RORB: variants seen among roughly 807,000 people sequenced by gnomAD.
RORB encodes nuclear receptor ROR-beta.
Under a neutral mutation model 59.1 loss-of-function variants are expected in RORB, and 6 were observed. That is an observed-to-expected ratio of 0.10 (90% CI 0.06 to 0.20). The LOEUF (loss-of-function observed/expected upper bound fraction) is 0.20, where lower values mean the gene tolerates loss of function less well. Among genes scored for constraint, RORB ranks in the 10% least tolerant of loss-of-function variants. The pLI is 1.00. For synonymous variants in RORB, 215 were observed against 204.5 expected (o/e 1.05, Z -0.44); for missense variants, 320 against 560.5 (o/e 0.57, Z 4.33).
intron 1 of RORB, among the ~76,000 whole-genome samples, chr9:74,628,642 G>A (rs575589815): frequency 6.6e-6 from 1 of 152,268 alleles, no homozygotes; most frequent in South Asian, 2.1e-4. Context: ...AAGAAAAAGA[G>A]GGCAATGTCT....
At chr9:74,597,061 G>A (rs1822979791) in intron 1 of RORB, among the ~76,000 whole-genome samples, 3 of 152,124 alleles carry the variant, frequency 2.0e-5, no homozygotes, top group African/African-American at 7.2e-5. Context: ...AAGATCACTG[G>A]GACCTACCCC....
intron 1 of RORB, among the ~76,000 whole-genome samples, chr9:74,565,365 G>A (rs1463345245): frequency 6.6e-6 from 1 of 152,096 alleles, no homozygotes; most frequent in Non-Finnish European, 1.5e-5. Context: ...TAGTAACTTT[G>A]AGTAGGAGAA....
chr9:74,532,170 T>C (rs1261237076), intron 1 of RORB, among the ~76,000 whole-genome samples: 2 of 152,048 alleles, frequency 1.3e-5, no homozygotes, highest in African/African-American at 4.8e-5. Context: ...ATAGTATTTA[T>C]ATAATTATTT....
At chr9:74,571,639 G>A (rs376859313) in intron 1 of RORB, among the ~76,000 whole-genome samples, 34 of 151,634 alleles carry the variant, frequency 2.2e-4, no homozygotes, top group Non-Finnish European at 3.7e-4. Context: ...TATTTTTTTC[G>A]TAATAGTAAA....
intron 1 of RORB, among the ~76,000 whole-genome samples, chr9:74,582,876 A>C (rs1034305917): frequency 2.0e-5 from 3 of 152,142 alleles, no homozygotes; most frequent in Admixed American, 6.5e-5. Flanking sequence ...TTGCAAAATA[A>C]AAAAGATTCA....
intron 9 of RORB, among the ~76,000 whole-genome samples, chr9:74,680,751 C>T (rs576951903): frequency 1.4e-3 from 213 of 152,294 alleles, no homozygotes; most frequent in African/African-American, 4.4e-3. Flanking sequence ...TGTTTTCATT[C>T]GTGCTCCTGA....
chr9:74,552,423 C>T lies in RORB; in HGVS notation c.7+54440C>T, dbSNP rs529186980. 3.5e-4 allele frequency among the ~76,000 whole-genome samples: 54 copies of T among 152,250 alleles called. 1 individual carries two copies. The highest frequency in any genetic ancestry group is 1.3e-3 in the African/African-American group (52 of 41,528). ...GACTTTGAGCAAGTCAATAACTTCT[C>T]TCCACTTCCATTTCCTCCTTTGTGA... On this transcript the variant is annotated intron_variant, in intron 1 of 9. Transcript: ENST00000376896.
intron 4 of RORB, among the ~76,000 whole-genome samples, chr9:74,644,218 C>T (rs1796092083): frequency 6.6e-6 from 1 of 152,130 alleles, no homozygotes; most frequent in African/African-American, 2.4e-5. Flanking sequence ...CGTTATTTCT[C>T]CCTTTTAGCA....
intron 1 of RORB, among the ~76,000 whole-genome samples, chr9:74,627,931 A>T (rs1563957440): frequency 6.6e-6 from 1 of 152,182 alleles, no homozygotes; most frequent in Non-Finnish European, 1.5e-5. Flanking sequence ...AAACCAGTTA[A>T]CAATAATGAT....
intron 1 of RORB, among the ~76,000 whole-genome samples, chr9:74,565,456 A>C (rs937047194): frequency 6.6e-6 from 1 of 152,288 alleles, no homozygotes; most frequent in African/African-American, 2.4e-5. Flanking sequence ...GTCACTGTTC[A>C]TTGCCAGCTC....
intron 1 of RORB, among the ~76,000 whole-genome samples, chr9:74,502,876 G>C (rs747887588): frequency 6.6e-6 from 1 of 151,948 alleles, no homozygotes; most frequent in Non-Finnish European, 1.5e-5. Context: ...ATTAGTGATT[G>C]AGGTGACATT....
chr9:74,652,393 C>T (rs1010436454), intron 4 of RORB, among the ~76,000 whole-genome samples: 1 of 152,040 alleles, frequency 6.6e-6, no homozygotes, highest in Admixed American at 6.6e-5. Flanking sequence ...GGCGACAGAT[C>T]AAGACTCCAA....
intron 3 of RORB, among the ~76,000 whole-genome samples, chr9:74,640,545 A>C (rs540066154): frequency 3.4e-4 from 51 of 152,202 alleles, no homozygotes; most frequent in South Asian, 1.5e-3. Flanking sequence ...GGCCTCCCAA[A>C]GTGCTGGGAT....
chr9:74,528,448 C>T (rs1044346885), intron 1 of RORB, among the ~76,000 whole-genome samples: 1 of 152,008 alleles, frequency 6.6e-6, no homozygotes, highest in Non-Finnish European at 1.5e-5. Flanking sequence ...GTGGGAAAAG[C>T]AGCAGCTCTG....
intron 4 of RORB, among the ~76,000 whole-genome samples, chr9:74,648,907 C>A (rs1230392673): frequency 6.6e-6 from 1 of 152,088 alleles, no homozygotes; most frequent in Non-Finnish European, 1.5e-5. Flanking sequence ...TTCACTACAA[C>A]CTGATCACTT....
chr9:74,596,956 AG>A (rs756884058), intron 1 of RORB, among the ~76,000 whole-genome samples: 1 of 152,226 alleles, frequency 6.6e-6, no homozygotes, highest in Non-Finnish European at 1.5e-5. Flanking sequence ...ACAGCACTGC[AG>A]AATGAGAAGC....
At position 74,690,518 on chromosome 9, in the gene RORB, G is replaced by A. The variant is rs1190566818; in HGVS notation, c.*4900G>A. ...GATGGCAGTTGATTCAGAGCTTAGTGCAGACCAAACAAATACATCACTGAG... is the reference window on the plus strand; with the variant it reads ...GATGGCAGTTGATTCAGAGCTTAGTACAGACCAAACAAATACATCACTGAG... On this transcript the variant is annotated 3_prime_UTR_variant, in exon 10 of 10. Transcript: ENST00000376896. The A allele has an allele frequency of 1.3e-5, 2 of 152,178 alleles. No homozygotes were observed. The highest frequency in any genetic ancestry group is 2.9e-5 in the Non-Finnish European group (2 of 68,048). 9.4% of individuals were successfully genotyped at this position (152,178 alleles called of 1,614,324 possible).
intron 1 of RORB, among the ~76,000 whole-genome samples, chr9:74,608,704 G>T (rs1406748100): frequency 6.6e-6 from 1 of 151,820 alleles, no homozygotes; most frequent in Non-Finnish European, 1.5e-5. Context: ...TTTATAACAT[G>T]GATTTGAATC....
chr9:74,613,070 TAATA>T (rs1278664079), intron 1 of RORB, among the ~76,000 whole-genome samples: 1 of 152,188 alleles, frequency 6.6e-6, no homozygotes, highest in Non-Finnish European at 1.5e-5. Flanking sequence ...ATGAATTAAT[TAATA>T]AATATTGAAA....
Sources: allele counts gnomAD v4.1 joint callset (sites outside exome capture counted in the v4.1 genomes callset), GRCh38; gene constraint gnomAD v4.1.1; transcripts MANE v1.5; gene names NCBI Gene and HGNC (gene_info 2026-07-23, HGNC 2026-07-21).